The following CDK19 variants were observed in gnomAD, a reference collection of about 807,000 sequenced individuals.
CDK19 encodes the protein cyclin-dependent kinase 19.
A neutral mutation model predicts 68.3 loss-of-function variants in CDK19; 20 were observed. That is an observed-to-expected ratio of 0.29 (90% confidence interval 0.21 to 0.43). The LOEUF (loss-of-function observed/expected upper bound fraction) is 0.43. CDK19 is among the 20% of genes least tolerant of loss of function. CDK19 has a pLI of 1.00. For synonymous variants in CDK19, 221 were observed against 222.8 expected, an observed-to-expected ratio of 0.99 and a Z score of 0.07; for missense variants, 339 against 623.5, an observed-to-expected ratio of 0.54 and a Z score of 4.86.
chr6:110,713,917 C>A (rs986243237), intron 2 of CDK19, among the ~76,000 whole-genome samples: 4 of 152,126 alleles, frequency 2.6e-5, no homozygotes, highest in African/African-American at 9.7e-5. Context: ...ACTGAGTATT[C>A]TTTCTTTTTA....
At chr6:110,744,532 TA>T (rs1777935906) in intron 2 of CDK19, among the ~76,000 whole-genome samples, 1 of 151,322 alleles carries the variant, frequency 6.6e-6, no homozygotes. Flanking sequence ...ACCTTGTCTC[TA>T]AAAAAAAATT....
chr6:110,796,918 G>A (rs1203956800), intron 1 of CDK19, among the ~76,000 whole-genome samples: 16 of 150,798 alleles, frequency 1.1e-4, no homozygotes, highest in East Asian at 7.8e-4. Flanking sequence ...ACTGAGGCAC[G>A]AGAATTGCTT....
At position 110,815,160 on chromosome 6, in the gene CDK19, C is replaced by G; in HGVS notation, c.-24G>C. 6.4e-7 allele frequency: 1 copy of G among 1,558,488 alleles called. No homozygotes were observed. Among genetic ancestry groups the G allele is most frequent in the South Asian group, 1.2e-5 (1 of 86,224 alleles). On this transcript the variant is annotated 5_prime_UTR_variant, in exon 1 of 13. Transcript: ENST00000368911. ...ATTGTCTGCTTCCCCCATAGAGGCACGGGACGCGGGGGCCGCCGCCGCTCA... is the reference window on the plus strand; with the variant it reads ...ATTGTCTGCTTCCCCCATAGAGGCAGGGGACGCGGGGGCCGCCGCCGCTCA...
chr6:110,673,208 T>A (rs768533280), intron 2 of CDK19, among the ~76,000 whole-genome samples: 26 of 152,174 alleles, frequency 1.7e-4, no homozygotes, highest in South Asian at 8.3e-4. Context: ...GTCTGCCCAC[T>A]TGTGTCTGCC....
intron 1 of CDK19, among the ~76,000 whole-genome samples, chr6:110,800,089 G>C (rs1782242916): frequency 6.6e-6 from 1 of 152,028 alleles, no homozygotes; most frequent in Non-Finnish European, 1.5e-5. Context: ...TCACTTTTTA[G>C]AATCAACCCA....
intron 2 of CDK19, among the ~76,000 whole-genome samples, chr6:110,694,032 C>T (rs1458639133): frequency 6.8e-6 from 1 of 146,670 alleles, no homozygotes; most frequent in African/African-American, 2.5e-5. Flanking sequence ...AGAACCTCCT[C>T]ATAGCATAAA....
At chr6:110,754,963 G>C (rs1052512659) in intron 1 of CDK19, among the ~76,000 whole-genome samples, 1 of 151,636 alleles carries the variant, frequency 6.6e-6, no homozygotes, top group East Asian at 1.9e-4. Context: ...GGAAGAAAGA[G>C]CTGATCCCTT....
chr6:110,647,078 C>T (rs1780646363), intron 4 of CDK19, among the ~76,000 whole-genome samples: 1 of 151,998 alleles, frequency 6.6e-6, no homozygotes, highest in African/African-American at 2.4e-5. Flanking sequence ...CTGTCTACAC[C>T]CTCCTGCCTC....
chr6:110,731,611 A>G (rs1422067446), intron 2 of CDK19, among the ~76,000 whole-genome samples: 1 of 152,330 alleles, frequency 6.6e-6, no homozygotes, highest in Non-Finnish European at 1.5e-5. Flanking sequence ...ATTGTATCTC[A>G]ATTTTTAGAA....
intron 2 of CDK19, among the ~76,000 whole-genome samples, chr6:110,686,542 A>G (rs1328205363): frequency 3.3e-5 from 5 of 152,226 alleles, no homozygotes; most frequent in Non-Finnish European, 7.3e-5. Flanking sequence ...TATTAATAAA[A>G]TCATCTAGCA....
chr6:110,714,166 T>C (rs1230533167), intron 2 of CDK19, among the ~76,000 whole-genome samples: 1 of 152,240 alleles, frequency 6.6e-6, no homozygotes, highest in Non-Finnish European at 1.5e-5. Context: ...GGACATTTCA[T>C]ATAAATGAAA....
intron 12 of CDK19, 81 bp from the exon 13 acceptor site, chr6:110,614,747 T>C: frequency 1.4e-6 from 2 of 1,422,572 alleles, no homozygotes; most frequent in Non-Finnish European, 1.9e-6. Context: ...AGGATAGAGA[T>C]ATAAGCCGTT....
chr6:110,727,068 A>G (rs955464305), intron 2 of CDK19, among the ~76,000 whole-genome samples: 3 of 152,186 alleles, frequency 2.0e-5, no homozygotes, highest in Non-Finnish European at 4.4e-5. Flanking sequence ...AATAATATGA[A>G]CTTTTCAATA....
At chr6:110,805,113 C>G (rs1782592597) in intron 1 of CDK19, among the ~76,000 whole-genome samples, 1 of 152,166 alleles carries the variant, frequency 6.6e-6, no homozygotes, top group South Asian at 2.1e-4. Flanking sequence ...GTGAGACTCT[C>G]TTTTATCCTG....
chr6:110,805,419 A>G (rs1782614739), intron 1 of CDK19, among the ~76,000 whole-genome samples: 1 of 152,204 alleles, frequency 6.6e-6, no homozygotes, highest in Admixed American at 6.6e-5. Context: ...ACAAATTGTA[A>G]TATATTGCTT....
At chr6:110,741,964 G>A (rs1304299037) in intron 2 of CDK19, among the ~76,000 whole-genome samples, 2 of 152,142 alleles carry the variant, frequency 1.3e-5, no homozygotes, top group Non-Finnish European at 2.9e-5. Context: ...ACTCTATACA[G>A]TAGCTCAAAT....
intron 6 of CDK19, among the ~76,000 whole-genome samples, chr6:110,627,925 G>A (rs1413876334): frequency 7.2e-5 from 11 of 152,098 alleles, no homozygotes; most frequent in Non-Finnish European, 1.2e-4. Flanking sequence ...AAAGAATTGG[G>A]GAGGCTGGGT....
intron 1 of CDK19, among the ~76,000 whole-genome samples, chr6:110,799,943 C>T (rs1414788765): frequency 6.6e-6 from 1 of 152,114 alleles, no homozygotes. Flanking sequence ...TCTGTGGATG[C>T]AGAACCCATA....
chr6:110,622,047 C>T, intron 11 of CDK19, 41 bp downstream of exon 11: 1 of 1,213,796 alleles, frequency 8.2e-7, no homozygotes, highest in Non-Finnish European at 1.2e-6. Flanking sequence ...TTTTTGCCTC[C>T]CTTGCTCTTT....
Sources: allele counts gnomAD v4.1 joint callset (sites outside exome capture counted in the v4.1 genomes callset), GRCh38; gene constraint gnomAD v4.1.1; transcripts MANE v1.5; gene names NCBI Gene and HGNC (gene_info 2026-07-23, HGNC 2026-07-21).